Variants in TG observed in about 807,000 individuals in gnomAD.
TG encodes thyroglobulin.
In TG, 270 loss-of-function variants were observed where a neutral mutation model predicts 324.7. That is an observed-to-expected ratio of 0.83 (90% CI 0.75 to 0.92). The LOEUF is 0.92. TG is among the 40% of genes least tolerant of loss of function. TG has a pLI of 0.00. For synonymous variants in TG, 1,401 were observed against 1,327.0 expected, an observed-to-expected ratio of 1.06 and a Z score of -1.21; for missense variants, 3,591 against 3,456.4, an observed-to-expected ratio of 1.04 and a Z score of -0.98.
intron 2 of TG, 40 bp downstream of exon 2, chr8:132,868,263 T>G (rs182365291): frequency 6.3e-7 from 1 of 1,588,072 alleles, no homozygotes; most frequent in African/African-American, 1.3e-5. Context: ...AGGTCCAAGA[T>G]GCCATAAAAA....
chr8:133,000,667 G>T (rs1040659769), intron 35 of TG, among the ~76,000 whole-genome samples: 1 of 152,168 alleles, frequency 6.6e-6, no homozygotes, highest in Non-Finnish European at 1.5e-5. Context: ...TGTCTGTGCC[G>T]CTTCGTACAG....
At chr8:133,058,002 C>G (rs913975690) in intron 41 of TG, among the ~76,000 whole-genome samples, 2 of 152,110 alleles carry the variant, frequency 1.3e-5, no homozygotes, top group Admixed American at 1.3e-4. Context: ...GCACATTGGC[C>G]TAAAGCAACC....
chr8:132,999,297 T>C (rs1833212101), intron 35 of TG, among the ~76,000 whole-genome samples: 1 of 148,742 alleles, frequency 6.7e-6, no homozygotes, highest in Non-Finnish European at 1.5e-5. Flanking sequence ...CACCCTTTCA[T>C]CCTATCAAAT....
intron 41 of TG, among the ~76,000 whole-genome samples, chr8:133,080,074 G>T (rs1056319847): frequency 1.3e-5 from 2 of 152,110 alleles, no homozygotes; most frequent in Admixed American, 6.5e-5. Context: ...GGAACTGAAG[G>T]CATGGGGACA....
intron 35 of TG, among the ~76,000 whole-genome samples, chr8:133,006,915 G>A (rs1447052646): frequency 6.6e-6 from 1 of 152,132 alleles, no homozygotes; most frequent in South Asian, 2.1e-4. Flanking sequence ...ATTAGAATGG[G>A]CCATAATATG....
chr8:133,002,027 A>C, intron 35 of TG: 2 of 985,450 alleles, frequency 2.0e-6, no homozygotes, highest in Non-Finnish European at 2.4e-6. Context: ...ATTTTTGATG[A>C]GTCCTAAGAA....
At chr8:132,977,521 G>C (rs570145081) in intron 34 of TG, among the ~76,000 whole-genome samples, 3 of 152,200 alleles carry the variant, frequency 2.0e-5, no homozygotes, top group African/African-American at 2.4e-5. Flanking sequence ...ATTTACAAAA[G>C]AAAGAGGTTT....
intron 34 of TG, among the ~76,000 whole-genome samples, chr8:132,977,714 A>C (rs574755633): frequency 6.6e-6 from 1 of 152,314 alleles, no homozygotes; most frequent in East Asian, 1.9e-4. Flanking sequence ...TAGCACGGGA[A>C]AGACCCACTC....
intron 43 of TG, among the ~76,000 whole-genome samples, chr8:133,107,279 A>G (rs140446670): frequency 2.4e-3 from 373 of 152,268 alleles, no homozygotes; most frequent in African/African-American, 8.7e-3. Context: ...ACTGGGCCCC[A>G]AGACATTCAG....
At position 133,029,982 on chromosome 8, in the gene TG, A is replaced by G. The variant is rs543721029; in HGVS notation, c.7198A>G (p.Arg2400Gly). Residue 2400 changes from arginine to glycine, a missense_variant, in exon 41 of 48, where the codon AGG becomes GGG. Physicochemically the swap from Arg to Gly is moderately radical, Grantham distance 125. Coordinates refer to ENST00000220616, the MANE Select transcript of TG (RefSeq NM_003235.5). ...DVASIHLLTA[R>G]ATNSQLFRRA... ...GGCCAGCATCCACCTTCTCACGGCCAGGGCCACCAACTCCCAACTTTTCCG... is the reference window on the plus strand; with the variant it reads ...GGCCAGCATCCACCTTCTCACGGCCGGGGCCACCAACTCCCAACTTTTCCG... The G allele has an allele frequency of 4.2e-5, 68 of 1,614,160 alleles. No homozygotes were observed. The South Asian group carries it at 6.9e-4, about 16-fold the overall frequency.
At chr8:132,907,487 G>T (rs1818860439) in intron 17 of TG, among the ~76,000 whole-genome samples, 2 of 152,066 alleles carry the variant, frequency 1.3e-5, no homozygotes, top group East Asian at 3.9e-4. Context: ...CTGGGACCTG[G>T]CACTTGGTCC....
intron 22 of TG, among the ~76,000 whole-genome samples, chr8:132,928,114 G>A (rs531149145): frequency 6.6e-6 from 1 of 152,068 alleles, no homozygotes; most frequent in African/African-American, 2.4e-5. Context: ...AATCCCAAAA[G>A]GAATAAACAT....
intron 8 of TG, among the ~76,000 whole-genome samples, chr8:132,883,826 T>C (rs1247767841): frequency 6.6e-6 from 1 of 152,174 alleles, no homozygotes; most frequent in Non-Finnish European, 1.5e-5. Flanking sequence ...TCTAGGGCTA[T>C]GGTAATAAAT....
At chr8:132,881,825 C>T (rs1814683422) in intron 5 of TG, 38 bp from the exon 6 acceptor site, 1 of 1,438,716 alleles carries the variant, frequency 7.0e-7, no homozygotes, top group Non-Finnish European at 9.8e-7. Context: ...GATGACTTGC[C>T]TTTATGAATG....
At chr8:132,993,572 C>T (rs904567552) in intron 35 of TG, among the ~76,000 whole-genome samples, 1 of 151,032 alleles carries the variant, frequency 6.6e-6, no homozygotes, top group Non-Finnish European at 1.5e-5. Context: ...TAATGGGGTC[C>T]TTTCACAGGT....
chr8:132,894,527 T>G (rs956089961), intron 11 of TG, among the ~76,000 whole-genome samples: 1 of 151,590 alleles, frequency 6.6e-6, no homozygotes, highest in South Asian at 2.1e-4. Context: ...GGCACAATCA[T>G]AGCTCACCAC....
chr8:132,875,796 T>C (rs1256352631), intron 5 of TG, among the ~76,000 whole-genome samples: 2 of 152,160 alleles, frequency 1.3e-5, no homozygotes, highest in Non-Finnish European at 2.9e-5. Context: ...TGAAAGGTCA[T>C]GGGAAGGGTT....
intron 11 of TG, among the ~76,000 whole-genome samples, chr8:132,895,868 T>A (rs1817016680): frequency 6.6e-6 from 1 of 152,232 alleles, no homozygotes; most frequent in South Asian, 2.1e-4. Flanking sequence ...CATGTTGGCA[T>A]TTTCTTCAGA....
Position 132,873,103 on chromosome 8 carries a change from G to A in TG, c.520G>A (p.Gly174Arg), listed in dbSNP as rs370188499. 6.8e-6 allele frequency: 11 copies of A among 1,614,000 alleles called. No homozygotes were observed. The highest frequency in any genetic ancestry group is 5.3e-5 in the African/African-American group (4 of 74,902). The stretch of plus-strand genomic sequence containing the variant: ...AATAAGAAATCGTCGTCTTCTCCAC[G>A]GGGTGGGAGATAAGTCACCACCCCA... ...CEIRNRRLLH[G>R]VGDKSPPQCS... Residue 174 changes from glycine (G) to arginine (R), a missense_variant, in exon 5 of 48, where the codon GGG (glycine) becomes AGG (arginine). Physicochemically the swap from Gly to Arg is moderately radical, Grantham distance 125. Transcript: ENST00000220616.
Sources: gnomAD v4.1 joint callset for allele counts (sites outside exome capture counted in the v4.1 genomes callset) on GRCh38, gnomAD v4.1.1 for gene constraint, MANE v1.5 for transcripts, NCBI Gene and HGNC (gene_info 2026-07-23, HGNC 2026-07-21) for gene names.